Variants in UBAP2 observed in about 807,000 individuals in gnomAD.
UBAP2 encodes ubiquitin associated protein 2.
UBAP2 carries 75 observed loss-of-function variants against 139.6 expected under a neutral mutation model. The ratio of observed to expected loss-of-function variants is 0.54; its 90% CI spans 0.45 to 0.65. The LOEUF (loss-of-function observed/expected upper bound fraction) is 0.65. Ranked by LOEUF, UBAP2 falls within the 30% of genes least tolerant of loss-of-function variation. The pLI is 0.00. For synonymous variants in UBAP2, 526 were observed against 526.2 expected, an observed-to-expected ratio of 1.00 and a Z score of 0.01; for missense variants, 1,368 against 1,369.6, an observed-to-expected ratio of 1.00 and a Z score of 0.02.
intron 1 of UBAP2, among the ~76,000 whole-genome samples, chr9:34,037,904 G>A (rs1276249820): frequency 6.7e-6 from 1 of 148,658 alleles, no homozygotes; most frequent in African/African-American, 2.5e-5. Flanking sequence ...AGCTGCTCAC[G>A]CCTATAATCC....
intron 4 of UBAP2, 138 bp downstream of exon 4, chr9:33,996,085 G>A (rs902222864): frequency 1.3e-5 from 8 of 609,752 alleles, no homozygotes; most frequent in Middle Eastern, 2.6e-4. Flanking sequence ...TCAGGTAATC[G>A]TTCTTTCTGG....
At position 33,922,991 on chromosome 9, in the gene UBAP2, G is replaced by C. The variant is rs1424085803; in HGVS notation, c.3047C>G (p.Thr1016Ser). ...SSSTTGLPDM[T>S]GSVYNKTQTF... ...CTGTGTCTTATTGTAGACAGAACCA[G>C]TCATATCAGGTAGACCAGTGGTGCT... The change falls in exon 27 of 29, where the codon ACT becomes AGT. Residue 1016 changes from threonine to serine, a missense_variant. Thr to Ser is a moderately conservative substitution (Grantham distance 58, BLOSUM62 1). Coordinates refer to ENST00000379238, the MANE Select transcript of UBAP2 (RefSeq NM_001370062.2). 6.2e-7 allele frequency: 1 copy of C among 1,614,172 alleles called. No individual in the cohort carries two copies. The highest frequency in any genetic ancestry group is 8.5e-7 in the Non-Finnish European group (1 of 1,180,004).
chr9:33,946,597 G>A (rs925763497), intron 13 of UBAP2, among the ~76,000 whole-genome samples: 7 of 152,062 alleles, frequency 4.6e-5, no homozygotes, highest in Non-Finnish European at 8.8e-5. Context: ...GTCTCATCAC[G>A]TTGCCCAGGC....
intron 1 of UBAP2, among the ~76,000 whole-genome samples, chr9:34,027,966 T>C (rs944991066): frequency 6.6e-6 from 1 of 150,508 alleles, no homozygotes; most frequent in Non-Finnish European, 1.5e-5. Context: ...ACAAGGTATC[T>C]AGGGTGCCAA....
chr9:34,034,103 G>A (rs576819833), intron 1 of UBAP2, among the ~76,000 whole-genome samples: 23 of 152,108 alleles, frequency 1.5e-4, no homozygotes, highest in African/African-American at 4.6e-4. Flanking sequence ...ATCTCTGCAG[G>A]AACCATTTCA....
chr9:34,043,876 TC>T (rs1170291932), intron 1 of UBAP2, among the ~76,000 whole-genome samples: 1 of 150,770 alleles, frequency 6.6e-6, no homozygotes, highest in Non-Finnish European at 1.5e-5. Context: ...AACTGTAATC[TC>T]AGCACTTTGG....
At chr9:33,960,967 G>C in intron 9 of UBAP2, 89 bp from the exon 10 acceptor site, 2 of 1,292,320 alleles carry the variant, frequency 1.5e-6, no homozygotes, top group South Asian at 2.4e-5. Context: ...ACTATGCGGG[G>C]AAAAAAGATA....
chr9:33,948,403 G>T lies in UBAP2; in HGVS notation c.1241C>A (p.Thr414Lys), dbSNP rs1825820326. 1 of 1,613,338 alleles carries T rather than the reference G, an allele frequency of 6.2e-7. No individual in the cohort carries two copies. Among genetic ancestry groups the T allele is most frequent in the South Asian group, 1.1e-5 (1 of 91,004 alleles). ...ATGACTGAGGACTGAGGACTGGGAT[G>T]TTGGGGGCTTGAGGTCCCAAGAAGT... The part of the protein sequence containing the change: ...TTTSWDLKPP[T>K]SQSSVLSHLD... The change falls in exon 13 of 29, where the codon ACA (threonine) becomes AAA (lysine). Residue 414 changes from threonine to lysine, a missense_variant. Transcript: ENST00000379238.
chr9:33,962,823 A>G (rs1194440949), intron 9 of UBAP2, among the ~76,000 whole-genome samples: 2 of 151,134 alleles, frequency 1.3e-5, no homozygotes, highest in Non-Finnish European at 3.0e-5. Context: ...CTAAAAATAC[A>G]AAGAATTAGT....
rs764624286 is a variant in UBAP2, at chr9:34,017,052, G to C, written c.97C>G (p.Gln33Glu). 7 of 1,585,270 alleles carry C rather than the reference G, an allele frequency of 4.4e-6. No homozygotes were observed. The highest frequency in any genetic ancestry group is 6.0e-6 in the Non-Finnish European group (7 of 1,168,598). Reference sequence around the variant, plus strand: ...AAAAGAGTTCCACAAAAACTTACCTGTACCACTTGTTTCTGTGGTTGCGTT... The same window carrying C: ...AAAAGAGTTCCACAAAAACTTACCTCTACCACTTGTTTCTGTGGTTGCGTT... The part of the protein sequence containing the change: ...QSTQPQKQVV[Q>E]ATAEQMRLAQ... Residue 33 changes from glutamine to glutamate, a missense_variant and splice_region_variant, in exon 2 of 29, where the codon CAG (glutamine) becomes GAG (glutamate). Coordinates refer to ENST00000379238, the MANE Select transcript of UBAP2 (RefSeq NM_001370062.2).
At chr9:33,935,733 C>T (rs779685532) in intron 17 of UBAP2, 106 bp downstream of exon 17, 55 of 1,335,486 alleles carry the variant, frequency 4.1e-5, no homozygotes, top group Non-Finnish European at 5.6e-5. Flanking sequence ...TGCTTTTTAA[C>T]GAATAAGCCA....
chr9:33,941,846 ATG>A lies in UBAP2; in HGVS notation c.1730_1731del (p.Thr577IlefsTer32). 1 of 1,613,730 alleles carries A rather than the reference ATG, an allele frequency of 6.2e-7. No homozygotes were observed. Among genetic ancestry groups the A allele is most frequent in the Non-Finnish European group, 8.5e-7 (1 of 1,179,738 alleles). ...TGTACTGCACTGGTCATTGATAAAGATGTATTCAAAGGCTCACTGAAAAGAGT... is the reference window on the plus strand; with the variant it reads ...TGTACTGCACTGGTCATTGATAAAGATATTCAAAGGCTCACTGAAAAGAGT... ...YSKSLSEPLN[T>X]SLSMTSAVQN... is the part of the protein sequence containing the mutation. On this transcript the variant is annotated frameshift_variant, in exon 16 of 29. Coordinates refer to ENST00000379238, the MANE Select transcript of UBAP2 (RefSeq NM_001370062.2). LOFTEE classifies it high-confidence loss of function.
At chr9:33,998,243 T>G (rs1822363522) in intron 3 of UBAP2, 2 of 152,458 alleles carry the variant, frequency 1.3e-5, no homozygotes, top group East Asian at 1.9e-4. Flanking sequence ...ACAAATATTT[T>G]AAAAATTAGC....
chr9:34,042,379 G>A (rs1407646118), intron 1 of UBAP2, among the ~76,000 whole-genome samples: 1 of 151,744 alleles, frequency 6.6e-6, no homozygotes, highest in Admixed American at 6.6e-5. Context: ...TCGGGAGATG[G>A]AGGCTGGAGA....
At chr9:33,958,698 T>G (rs1826771499) in intron 10 of UBAP2, among the ~76,000 whole-genome samples, 10 of 134,384 alleles carry the variant, frequency 7.4e-5, no homozygotes, top group East Asian at 4.5e-4. Context: ...TGAGCCACTG[T>G]GCCCGGCCTT....
At chr9:33,924,376 C>T in intron 22 of UBAP2, 92 bp from the exon 23 acceptor site, 1 of 1,246,596 alleles carries the variant, frequency 8.0e-7, no homozygotes, top group South Asian at 1.2e-5. Context: ...ACGCCACACT[C>T]CTGAAACAGA....
At position 34,017,007 on chromosome 9, in the gene UBAP2, G is replaced by C. The variant is rs374375189; in HGVS notation, c.99+43C>G. On this transcript the variant is annotated intron_variant, in intron 2 of 28. Transcript: ENST00000379238. ...TAAAACTTCAAGTATAATAATAAAA[G>C]AAAAAAAAGGAAAAAAAAAAAAAGA... 22 of 1,232,696 alleles carry C rather than the reference G, an allele frequency of 1.8e-5. No individual in the cohort carries two copies. In the African/African-American group the frequency reaches 4.5e-4, roughly 25 times the overall value. 76.4% of individuals were successfully genotyped at this position (1,232,696 alleles called of 1,614,324 possible).
At chr9:33,993,418 A>T (rs1821884127) in intron 4 of UBAP2, among the ~76,000 whole-genome samples, 1 of 152,226 alleles carries the variant, frequency 6.6e-6, no homozygotes. Context: ...TATGAGAGAC[A>T]AGATGTACCA....
chr9:34,025,075 T>C (rs192673398), intron 1 of UBAP2, among the ~76,000 whole-genome samples: 1 of 152,140 alleles, frequency 6.6e-6, no homozygotes. Context: ...CCTTAAAAAT[T>C]GTTACCACCA....
Sources: allele counts gnomAD v4.1 joint callset (sites outside exome capture counted in the v4.1 genomes callset), GRCh38; gene constraint gnomAD v4.1.1; transcripts MANE v1.5; gene names NCBI Gene and HGNC (gene_info 2026-07-23, HGNC 2026-07-21).